The following SEC61A2 variants were observed in gnomAD, a reference collection of about 807,000 sequenced individuals.
SEC61A2 encodes protein transport protein Sec61 subunit alpha isoform 2.
In SEC61A2, 28 loss-of-function variants were observed where a neutral mutation model predicts 59.9. The ratio of observed to expected loss-of-function variants is 0.47; its 90% CI spans 0.35 to 0.64. The LOEUF (loss-of-function observed/expected upper bound fraction) is 0.64, where lower values mean the gene tolerates loss of function less well. Among genes scored for constraint, SEC61A2 ranks in the 30% least tolerant of loss-of-function variants. The probability of loss-of-function intolerance (pLI) is 0.01; values close to 1 mark genes in which losing one functional copy is unlikely to be tolerated. For missense variants in SEC61A2, 340 were observed against 585.9 expected (o/e 0.58, Z 4.33); for synonymous variants, 202 against 214.4 (o/e 0.94, Z 0.50).
Position 12,162,389 on chromosome 10 carries a change from C to G in SEC61A2, c.1244+100C>G. ...CTTTGTTCAAGTTCATATTTAAAAC[C>G]CTTCTATTCACACAGATGAATCAAA... On this transcript the variant is annotated intron_variant, in intron 11 of 11. Coordinates refer to ENST00000298428, the MANE Select transcript of SEC61A2 (RefSeq NM_018144.4). The surrounding 1 kb of genome is among the most constrained non-coding windows in gnomAD (Gnocchi z 6.1). 1 of 1,029,926 alleles carries G rather than the reference C, an allele frequency of 9.7e-7. No individual in the cohort carries two copies. The highest frequency in any genetic ancestry group is 2.4e-5 in the East Asian group (1 of 42,136). The allele number at this position is 1,029,926 out of a possible 1,614,324, so 63.8% of individuals were successfully genotyped here.
intron 9 of SEC61A2, among the ~76,000 whole-genome samples, chr10:12,159,272 C>T (rs531785806): frequency 6.6e-5 from 10 of 152,242 alleles, no homozygotes; most frequent in East Asian, 1.9e-4. Context: ...CCACCACACT[C>T]GGCCCATAAT....
chr10:12,148,322 C>T (rs7897731), intron 4 of SEC61A2, among the ~76,000 whole-genome samples: 61,941 of 147,676 alleles, frequency 0.42, 13,062 homozygotes, highest in East Asian at 0.53. Flanking sequence ...CTTGGCTCAC[C>T]GCAACCTCCA....
Position 12,154,550 on chromosome 10 carries a change from C to A in SEC61A2, c.463-1228C>A, listed in dbSNP as rs1834353939. Among the ~76,000 whole-genome samples the A allele has an allele frequency of 6.6e-6, 1 of 152,176 alleles. No individual in the cohort carries two copies. Among genetic ancestry groups the A allele is most frequent in the Non-Finnish European group, 1.5e-5 (1 of 68,040 alleles). On this transcript the variant is annotated intron_variant, in intron 6 of 11. Coordinates refer to ENST00000298428, the MANE Select transcript of SEC61A2 (RefSeq NM_018144.4). This position sits in a 1 kb window ranked among gnomAD's most constrained non-coding sequence, Gnocchi z 5.2. ...GGTTAAATAGAATCGGTAGTAAGTC[C>A]TAACCTCTACATTATTTTGTCAAAA...
In SEC61A2 at chr10:12,129,832, A is replaced by G. The variant is rs971438598; in HGVS notation, c.7+38A>G. The stretch of plus-strand genomic sequence containing the variant: ...GGCTGGAGCGGGGACTCTGGCTGGG[A>G]ACGCAGGCCCCGCCTGGGCTGCGGG... On this transcript the variant is annotated intron_variant, in intron 1 of 11. Coordinates refer to ENST00000298428, the MANE Select transcript of SEC61A2 (RefSeq NM_018144.4). The surrounding 1 kb of genome is among the most constrained non-coding windows in gnomAD (Gnocchi z 5.6). 5.1e-5 allele frequency: 70 copies of G among 1,369,236 alleles called. No homozygotes were observed. The highest frequency in any genetic ancestry group is 2.4e-4 in the Middle Eastern group (1 of 4,236). 84.8% of individuals were successfully genotyped at this position (1,369,236 alleles called of 1,614,324 possible).
At chr10:12,163,199 CG>C (rs1352557761) in intron 11 of SEC61A2, among the ~76,000 whole-genome samples, 1 of 151,540 alleles carries the variant, frequency 6.6e-6, no homozygotes, top group Non-Finnish European at 1.5e-5. Flanking sequence ...CTGATGGATG[CG>C]AAGTGGGGCA....
At position 12,145,280 on chromosome 10, in the gene SEC61A2, G is replaced by T. The variant is rs944746494; in HGVS notation, c.220+2085G>T. On this transcript the variant is annotated intron_variant, in intron 4 of 11. Transcript: ENST00000298428. The surrounding 1 kb of genome is among the most constrained non-coding windows in gnomAD (Gnocchi z 4.4). ...CCGATTTTATATCATTATAAAGAAT[G>T]CTACAATGAAGGCTATCACACCGTT... is the stretch of plus-strand genomic sequence containing the variant. Among the ~76,000 whole-genome samples, 1 of 152,124 alleles carries T rather than the reference G, an allele frequency of 6.6e-6. No individual in the cohort carries two copies. Among genetic ancestry groups the T allele is most frequent in the Non-Finnish European group, 1.5e-5 (1 of 68,018 alleles).
chr10:12,136,832 A>T (rs1188453366), intron 3 of SEC61A2, among the ~76,000 whole-genome samples: 1 of 151,706 alleles, frequency 6.6e-6, no homozygotes, highest in Non-Finnish European at 1.5e-5. Context: ...GTTTCACTAT[A>T]TTGACCAGGC....
chr10:12,131,100 G>A (rs1336522686), intron 1 of SEC61A2, among the ~76,000 whole-genome samples: 4 of 152,248 alleles, frequency 2.6e-5, no homozygotes, highest in African/African-American at 7.2e-5. Context: ...TTGAACCCGG[G>A]AGGTGGAGGT....
At chr10:12,140,313 G>A (rs1184601600) in intron 3 of SEC61A2, among the ~76,000 whole-genome samples, 1 of 152,180 alleles carries the variant, frequency 6.6e-6, no homozygotes, top group East Asian at 1.9e-4. Context: ...GCCTTAACAA[G>A]TTGAAACTGA....
intron 3 of SEC61A2, among the ~76,000 whole-genome samples, chr10:12,140,697 G>T (rs1833998568): frequency 6.6e-6 from 1 of 152,136 alleles, no homozygotes; most frequent in Non-Finnish European, 1.5e-5. Flanking sequence ...CCGGATTCAA[G>T]CGATTCTCCT....
chr10:12,155,759 TG>T lies in SEC61A2; in HGVS notation c.463-18del. On this transcript the variant is annotated intron_variant, in intron 6 of 11. Transcript: ENST00000298428. The surrounding 1 kb of genome is among the most constrained non-coding windows in gnomAD (Gnocchi z 4.3). ...GAGTTTGTTCTTGCTTCCGCTTACT[TG>T]CATTTCTTTCCCCACAGTTGTTTGT... is the stretch of plus-strand genomic sequence containing the variant. 2 of 1,613,922 alleles carry T rather than the reference TG, an allele frequency of 1.2e-6. No individual in the cohort carries two copies. Among genetic ancestry groups the T allele is most frequent in the Non-Finnish European group, 1.7e-6 (2 of 1,179,762 alleles).
At chr10:12,166,696 G>T, downstream of SEC61A2, 1 of 506,128 alleles carries the variant, frequency 2.0e-6, no homozygotes. Context: ...AGAATTCCGT[G>T]GGGGCCAGAC....
At position 12,145,788 on chromosome 10, in the gene SEC61A2, A is replaced by T. The variant is rs948891018; in HGVS notation, c.220+2593A>T. Among the ~76,000 whole-genome samples, 2 of 152,214 alleles carry T rather than the reference A, an allele frequency of 1.3e-5. No homozygotes were observed. The highest frequency in any genetic ancestry group is 4.8e-5 in the African/African-American group (2 of 41,452). ...GACATGAAAAGAAAAAAGAAAAAAC[A>T]TTGTTTTAAATAAAGGAGAAAAATT... On this transcript the variant is annotated intron_variant, in intron 4 of 11. Transcript: ENST00000298428. This position sits in a 1 kb window ranked among gnomAD's most constrained non-coding sequence, Gnocchi z 4.4.
rs771428063 is a variant in SEC61A2 at position 12,156,969 on chromosome 10, G to A, written c.679G>A (p.Val227Ile). 5 of 1,614,062 alleles carry A rather than the reference G, an allele frequency of 3.1e-6. No homozygotes were observed. Among genetic ancestry groups the A allele is most frequent in the Non-Finnish European group, 4.2e-6 (5 of 1,179,912 alleles). Residue 227 changes from valine to isoleucine, a missense_variant, in exon 8 of 12, where the codon GTC becomes ATC. By Grantham distance (29) the Val-to-Ile change is conservative. Transcript: ENST00000298428. The surrounding 1 kb of genome is among the most constrained non-coding windows in gnomAD (Gnocchi z 5.2). ...FHLLATRTDK[V>I]RALREAFYRQ... Reference sequence around the variant, plus strand: ...TTTGTTGGCCACCAGGACGGACAAAGTCCGAGCTTTACGGGAGGCTTTTTA... The same window carrying A: ...TTTGTTGGCCACCAGGACGGACAAAATCCGAGCTTTACGGGAGGCTTTTTA...
At position 12,149,979 on chromosome 10, in the gene SEC61A2, T is replaced by A; in HGVS notation, c.462+18T>A. 6.5e-7 allele frequency: 1 copy of A among 1,527,618 alleles called. No homozygotes were observed. The highest frequency in any genetic ancestry group is 9.1e-7 in the Non-Finnish European group (1 of 1,101,464). 94.6% of individuals were successfully genotyped at this position (1,527,618 alleles called of 1,614,324 possible). A position where few individuals can be genotyped will look rare whatever the true frequency, so the allele number is the denominator to read the frequency against. On this transcript the variant is annotated intron_variant, in intron 6 of 11. Coordinates refer to ENST00000298428, the MANE Select transcript of SEC61A2 (RefSeq NM_018144.4). The surrounding 1 kb of genome is among the most constrained non-coding windows in gnomAD (Gnocchi z 5.2). ...TCATTCAGGTAAGAAATCCTATATTTTCCTATGCAGATAACAAAACAGTTT... is the reference window on the plus strand; with the variant it reads ...TCATTCAGGTAAGAAATCCTATATTATCCTATGCAGATAACAAAACAGTTT...
At chr10:12,151,433 TC>T (rs1834272454) in intron 6 of SEC61A2, among the ~76,000 whole-genome samples, 1 of 150,662 alleles carries the variant, frequency 6.6e-6, no homozygotes, top group Non-Finnish European at 1.5e-5. Context: ...TGCCTCAGCT[TC>T]CTGAGTAGCT....
At chr10:12,148,728 C>G (rs1055474722) in intron 4 of SEC61A2, among the ~76,000 whole-genome samples, 1 of 148,704 alleles carries the variant, frequency 6.7e-6, no homozygotes, top group African/African-American at 2.5e-5. Flanking sequence ...TCAGTAGAGA[C>G]GGCCAGGATG....
Position 12,155,726 on chromosome 10 carries a change from CCT to C in SEC61A2, c.463-51_463-50del. 2.5e-6 allele frequency: 4 copies of C among 1,607,012 alleles called. No homozygotes were observed. In the South Asian group the frequency reaches 4.4e-5, roughly 18 times the overall value. The stretch of plus-strand genomic sequence containing the variant: ...AAATAGCCAATGGTGTTCCTCTCCC[CCT>C]TTCTTGAGTTTGTTCTTGCTTCCGC... On this transcript the variant is annotated intron_variant, in intron 6 of 11. Transcript: ENST00000298428. The surrounding 1 kb of genome is among the most constrained non-coding windows in gnomAD (Gnocchi z 4.3).
Position 12,164,422 on chromosome 10 carries a change from G to T in SEC61A2, c.1399G>T (p.Glu467Ter). The change falls in exon 12 of 12, where the codon GAA becomes TAA. Residue 467 changes from glutamate to a stop codon, truncating the protein, a stop_gained. Coordinates refer to ENST00000298428, the MANE Select transcript of SEC61A2 (RefSeq NM_018144.4). LOFTEE classifies it high-confidence loss of function. The surrounding 1 kb of genome is among the most constrained non-coding windows in gnomAD (Gnocchi z 7.3). ...YFEIFVKEQA[E>*]VGGMGALFF ...TGAAATATTTGTTAAAGAACAGGCC[G>T]AAGTTGGTGGGATGGGTGCTTTGTT... is the stretch of plus-strand genomic sequence containing the variant. The T allele has an allele frequency of 6.2e-7, 1 of 1,613,102 alleles. No individual in the cohort carries two copies. Among genetic ancestry groups the T allele is most frequent in the Non-Finnish European group, 8.5e-7 (1 of 1,179,578 alleles).
Sources: allele counts gnomAD v4.1 joint callset (sites outside exome capture counted in the v4.1 genomes callset), GRCh38; gene constraint gnomAD v4.1.1; non-coding constraint Gnocchi (gnomAD v3.1); transcripts MANE v1.5; gene names NCBI Gene and HGNC (gene_info 2026-07-23, HGNC 2026-07-21).